VPS13B: variants seen among roughly 807,000 people sequenced by gnomAD.
VPS13B encodes the protein vacuolar protein sorting 13 homolog B.
VPS13B carries 285 observed loss-of-function variants against 426.4 expected under a neutral mutation model. The ratio of observed to expected loss-of-function variants is 0.67; its 90% CI spans 0.61 to 0.74. VPS13B has a LOEUF of 0.74. VPS13B is among the 30% of genes least tolerant of loss of function. The pLI, the probability that VPS13B is intolerant of heterozygous loss-of-function variation, is 0.00. For missense variants in VPS13B, 4,537 were observed against 4,782.6 expected, an observed-to-expected ratio of 0.95 and a Z score of 1.51; for synonymous variants, 1,676 against 1,676.4, an observed-to-expected ratio of 1.00 and a Z score of 0.01.
At chr8:99,830,426 C>T (rs1359436139) in intron 51 of VPS13B, among the ~76,000 whole-genome samples, 1 of 152,176 alleles carries the variant, frequency 6.6e-6, no homozygotes, top group African/African-American at 2.4e-5. Context: ...ACTCAAACCT[C>T]AGTAATGGTG....
intron 30 of VPS13B, among the ~76,000 whole-genome samples, chr8:99,543,969 A>G (rs1381353193): frequency 7.0e-6 from 1 of 143,776 alleles, no homozygotes; most frequent in Admixed American, 7.0e-5. Flanking sequence ...CTGGGTATAT[A>G]CCCAAAGGAC....
At chr8:99,621,156 A>G (rs2133892664) in intron 33 of VPS13B, among the ~76,000 whole-genome samples, 1 of 152,294 alleles carries the variant, frequency 6.6e-6, no homozygotes, top group Admixed American at 6.5e-5. Flanking sequence ...TAAGAGCACA[A>G]GTCACTGTTC....
intron 17 of VPS13B, among the ~76,000 whole-genome samples, chr8:99,262,629 T>G (rs192304408): frequency 6.6e-6 from 1 of 152,338 alleles, no homozygotes; most frequent in African/African-American, 2.4e-5. Context: ...TGGAAGCTCT[T>G]GACTATCTCT....
At chr8:99,061,108 C>T (rs903358534) in intron 3 of VPS13B, among the ~76,000 whole-genome samples, 4 of 152,006 alleles carry the variant, frequency 2.6e-5, no homozygotes, top group Non-Finnish European at 5.9e-5. Flanking sequence ...TTTTCTTTTT[C>T]CCTTCAGTTT....
chr8:99,370,084 A>T (rs769368275), intron 19 of VPS13B, among the ~76,000 whole-genome samples: 1 of 152,236 alleles, frequency 6.6e-6, no homozygotes, highest in Non-Finnish European at 1.5e-5. Flanking sequence ...GGAAAATTAA[A>T]GACAGATATA....
intron 30 of VPS13B, among the ~76,000 whole-genome samples, chr8:99,554,328 T>C (rs974201136): frequency 6.6e-6 from 1 of 152,118 alleles, no homozygotes; most frequent in African/African-American, 2.4e-5. Context: ...AAAAGTAATG[T>C]TTATATGGTG....
chr8:99,030,365 T>C (rs1295055051), intron 2 of VPS13B, among the ~76,000 whole-genome samples: 1 of 152,054 alleles, frequency 6.6e-6, no homozygotes, highest in Non-Finnish European at 1.5e-5. Flanking sequence ...CATGTCTGCA[T>C]GGGTTTTCTC....
rs565634956 is a variant in VPS13B at position 99,373,926 on chromosome 8, T to A, written c.2825-10282T>A. Among the ~76,000 whole-genome samples, 46 of 152,306 alleles carry A rather than the reference T, an allele frequency of 3.0e-4. No individual in the cohort carries two copies. The South Asian group carries it at 9.1e-3, about 30-fold the overall frequency. On this transcript the variant is annotated intron_variant, in intron 19 of 61. Coordinates refer to ENST00000357162, the MANE Select transcript of VPS13B (RefSeq NM_152564.5). Reference sequence around the variant, plus strand: ...TTCCTTCTGTAGAATTAAGTTTATATCTAGTATAATTTCCTTTCAATCTAA... The same window carrying A: ...TTCCTTCTGTAGAATTAAGTTTATAACTAGTATAATTTCCTTTCAATCTAA...
chr8:99,091,132 G>T (rs1310179708), intron 3 of VPS13B, among the ~76,000 whole-genome samples: 1 of 152,172 alleles, frequency 6.6e-6, no homozygotes, highest in Non-Finnish European at 1.5e-5. Context: ...TGGGTCGGGG[G>T]CTATGTGGGT....
rs1277649068 is a variant in VPS13B at position 99,876,514 on chromosome 8, A to AAAC, written c.*850_*852dup. 6 of 152,240 alleles carry AAAC rather than the reference A, an allele frequency of 3.9e-5. No individual in the cohort carries two copies. The highest frequency in any genetic ancestry group is 1.2e-4 in the African/African-American group (5 of 41,450). 9.4% of individuals were successfully genotyped at this position (152,240 alleles called of 1,614,324 possible). A position where few individuals can be genotyped will look rare whatever the true frequency, so the allele number is the denominator to read the frequency against. ...GTGAGTTTCTCTAGTTCCATAAACA[A>AAAC]AACATACATAGTGGGAACTCCCTGG... On this transcript the variant is annotated 3_prime_UTR_variant, in exon 62 of 62. Transcript: ENST00000357162.
At chr8:99,687,898 T>G (rs764204808) in intron 35 of VPS13B, among the ~76,000 whole-genome samples, 20 of 152,034 alleles carry the variant, frequency 1.3e-4, no homozygotes, top group Non-Finnish European at 2.4e-4. Flanking sequence ...TGGTGGAGGC[T>G]TCTATCCAGC....
chr8:99,359,425 A>G (rs1028988520), intron 19 of VPS13B, among the ~76,000 whole-genome samples: 2 of 152,180 alleles, frequency 1.3e-5, no homozygotes, highest in African/African-American at 4.8e-5. Context: ...AATTTCTAAT[A>G]AATATTTCAA....
intron 34 of VPS13B, among the ~76,000 whole-genome samples, chr8:99,652,750 A>G (rs980759230): frequency 1.3e-5 from 2 of 152,176 alleles, no homozygotes; most frequent in African/African-American, 4.8e-5. Flanking sequence ...ATCCCTGGAA[A>G]GGCTTAGAAT....
chr8:99,851,454 T>A (rs1816291992), intron 55 of VPS13B, among the ~76,000 whole-genome samples: 1 of 152,068 alleles, frequency 6.6e-6, no homozygotes, highest in Non-Finnish European at 1.5e-5. Context: ...TCTACAGGGA[T>A]GAAAACAGAG....
chr8:99,739,269 C>T (rs945072462), intron 39 of VPS13B, among the ~76,000 whole-genome samples: 3 of 152,136 alleles, frequency 2.0e-5, no homozygotes, highest in Admixed American at 6.5e-5. Context: ...GGCAGTGAGG[C>T]TGGGGGAGGG....
At chr8:99,320,898 C>A (rs1809942274) in intron 19 of VPS13B, among the ~76,000 whole-genome samples, 1 of 152,164 alleles carries the variant, frequency 6.6e-6, no homozygotes, top group Non-Finnish European at 1.5e-5. Context: ...CTTTGGCAAA[C>A]CTGCTTGCCT....
intron 4 of VPS13B, 110 bp from the exon 5 acceptor site, chr8:99,102,843 A>G (rs2132453294): frequency 9.0e-7 from 1 of 1,110,506 alleles, no homozygotes; most frequent in Non-Finnish European, 1.3e-6. Context: ...TTTGGGAAAT[A>G]TGCTAAATAA....
chr8:99,453,390 T>A (rs1011753596), intron 23 of VPS13B, among the ~76,000 whole-genome samples: 1 of 152,254 alleles, frequency 6.6e-6, no homozygotes, highest in Non-Finnish European at 1.5e-5. Context: ...ACTTCCAATT[T>A]GTTTTTGATG....
chr8:99,201,743 A>T (rs534466151), intron 17 of VPS13B, among the ~76,000 whole-genome samples: 47 of 152,196 alleles, frequency 3.1e-4, no homozygotes, highest in South Asian at 8.3e-4. Flanking sequence ...ATTGAATTAT[A>T]GTAATCTTTA....
Sources: allele counts gnomAD v4.1 joint callset (sites outside exome capture counted in the v4.1 genomes callset), GRCh38; gene constraint gnomAD v4.1.1; transcripts MANE v1.5; gene names NCBI Gene and HGNC (gene_info 2026-07-23, HGNC 2026-07-21).